TUSC3: variants seen among roughly 807,000 people sequenced by gnomAD.
The protein encoded by TUSC3 is tumor suppressor candidate 3, also known as dolichyl-diphosphooligosaccharide--protein glycosyltransferase subunit TUSC3.
A neutral mutation model predicts 44.8 loss-of-function variants in TUSC3; 45 were observed. The observed-to-expected ratio is 1.00, with a 90% confidence interval of 0.79 to 1.29. The LOEUF is 1.29. Ranked by LOEUF, TUSC3 falls within the 50% of genes most tolerant of loss-of-function variation. The probability of loss-of-function intolerance (pLI) is 0.00; values close to 1 mark genes in which losing one functional copy is unlikely to be tolerated. For synonymous variants in TUSC3, 212 were observed against 152.9 expected (o/e 1.39, Z -2.85); for missense variants, 519 against 437.9 (o/e 1.19, Z -1.65).
intron 1 of TUSC3, among the ~76,000 whole-genome samples, chr8:15,430,703 A>G (rs1799862612): frequency 6.6e-6 from 1 of 151,686 alleles, no homozygotes; most frequent in Non-Finnish European, 1.5e-5. Flanking sequence ...CTGTTTGCAG[A>G]TGACATGCTT....
intron 1 of TUSC3, among the ~76,000 whole-genome samples, chr8:15,547,321 A>C (rs1352788337): frequency 1.3e-5 from 2 of 151,612 alleles, no homozygotes; most frequent in African/African-American, 4.8e-5. Flanking sequence ...CAACTTTTGG[A>C]AATATTTTGG....
chr8:15,680,358 T>C (rs944351421), intron 6 of TUSC3, among the ~76,000 whole-genome samples: 1 of 152,024 alleles, frequency 6.6e-6, no homozygotes, highest in Admixed American at 6.6e-5. Context: ...TGTATGTTTG[T>C]GGCAGTTGTG....
At chr8:15,826,150 G>C in the TUSC3 span, among the ~76,000 whole-genome samples, 1 of 151,994 alleles carries the variant, frequency 6.6e-6, no homozygotes, top group Non-Finnish European at 1.5e-5. Flanking sequence ...TTTAAATATA[G>C]AGTTCATGCA....
chr8:15,742,064 A>C (rs144803512), intron 7 of TUSC3, among the ~76,000 whole-genome samples: 9 of 152,352 alleles, frequency 5.9e-5, no homozygotes, highest in South Asian at 2.1e-4. Context: ...TAAAGTCTAC[A>C]GACTACCATA....
chr8:15,579,842 G>C (rs1319041355), intron 1 of TUSC3, among the ~76,000 whole-genome samples: 1 of 31,464 alleles, frequency 3.2e-5, no homozygotes, highest in Non-Finnish European at 7.7e-5. Context: ...TCCACTTGGT[G>C]CAGAGCTGAG....
At chr8:15,560,838 T>A (rs1304920569) in intron 1 of TUSC3, among the ~76,000 whole-genome samples, 1 of 91,066 alleles carries the variant, frequency 1.1e-5, no homozygotes. Flanking sequence ...TTCTCGAGCC[T>A]TGGTTTTCAG....
At chr8:15,709,546 A>G (rs1426773107) in intron 6 of TUSC3, among the ~76,000 whole-genome samples, 2 of 151,856 alleles carry the variant, frequency 1.3e-5, no homozygotes, top group East Asian at 3.9e-4. Context: ...TGAAGCTCCC[A>G]TTGAGCCATT....
At chr8:15,719,516 CCA>C (rs56066329) in intron 6 of TUSC3, among the ~76,000 whole-genome samples, 975 of 16,186 alleles carry the variant, frequency 0.06, 14 homozygotes, top group African/African-American at 0.21. Context: ...CACACACACA[CCA>C]CACACACACA....
chr8:15,613,668 G>A (rs1397280736), intron 1 of TUSC3, among the ~76,000 whole-genome samples: 1 of 151,926 alleles, frequency 6.6e-6, no homozygotes, highest in Non-Finnish European at 1.5e-5. Context: ...CCCAGTCTCG[G>A]GTATGTCTTT....
At chr8:15,496,811 T>C (rs747680096) in intron 2 of TUSC3, among the ~76,000 whole-genome samples, 58 of 152,186 alleles carry the variant, frequency 3.8e-4, no homozygotes, top group Admixed American at 2.6e-4. Context: ...ACACTCACGA[T>C]ACATCACACC....
chr8:15,674,512 G>A (rs569937998), intron 6 of TUSC3, among the ~76,000 whole-genome samples: 8 of 151,792 alleles, frequency 5.3e-5, no homozygotes, highest in Non-Finnish European at 8.8e-5. Flanking sequence ...GAAAAGATAC[G>A]TATTTTGAGA....
intron 2 of TUSC3, among the ~76,000 whole-genome samples, chr8:15,523,919 G>A (rs1161892604): frequency 2.6e-5 from 4 of 151,304 alleles, no homozygotes; most frequent in Admixed American, 6.6e-5. Context: ...AGCTGGGGGT[G>A]GTGGCGCGCA....
intron 2 of TUSC3, among the ~76,000 whole-genome samples, chr8:15,493,961 T>C (rs1330981901): frequency 6.6e-6 from 1 of 152,214 alleles, no homozygotes; most frequent in Admixed American, 6.5e-5. Flanking sequence ...GACGTACAGT[T>C]TGCCCTTTGA....
intron 1 of TUSC3, among the ~76,000 whole-genome samples, chr8:15,439,518 C>G (rs185706937): frequency 1.2e-4 from 18 of 152,298 alleles, no homozygotes; most frequent in Non-Finnish European, 2.6e-4. Flanking sequence ...GGTTACACCA[C>G]TGCCCTCCAG....
chr8:15,500,172 C>T (rs969111660), intron 2 of TUSC3, among the ~76,000 whole-genome samples: 3 of 152,118 alleles, frequency 2.0e-5, no homozygotes, highest in Non-Finnish European at 4.4e-5. Context: ...TCTTTCTCTA[C>T]GGAGCTGTAC....
At chr8:15,678,742 C>T (rs929539755) in intron 6 of TUSC3, among the ~76,000 whole-genome samples, 3 of 152,120 alleles carry the variant, frequency 2.0e-5, no homozygotes, top group African/African-American at 7.2e-5. Flanking sequence ...GAGGCCATCA[C>T]ACAGATAGGA....
At chr8:15,488,407 C>T (rs1176879981) in intron 2 of TUSC3, among the ~76,000 whole-genome samples, 1 of 151,916 alleles carries the variant, frequency 6.6e-6, no homozygotes, top group Non-Finnish European at 1.5e-5. Context: ...GAGACTGAGG[C>T]TGGAGGATTG....
the TUSC3 span, among the ~76,000 whole-genome samples, chr8:15,841,074 T>C: frequency 1.3e-5 from 2 of 152,150 alleles, no homozygotes; most frequent in Admixed American, 1.3e-4. Context: ...TTAGTGGAAG[T>C]TGTTCCCTAG....
chr8:15,597,958 C>A (rs928241639), intron 1 of TUSC3, among the ~76,000 whole-genome samples: 1 of 152,022 alleles, frequency 6.6e-6, no homozygotes, highest in African/African-American at 2.4e-5. Context: ...TGTATATTTA[C>A]ACGCATGCAC....
Sources: gnomAD v4.1 joint callset for allele counts (sites outside exome capture counted in the v4.1 genomes callset) on GRCh38, gnomAD v4.1.1 for gene constraint, MANE v1.5 for transcripts, NCBI Gene and HGNC (gene_info 2026-07-23, HGNC 2026-07-21) for gene names.